The following GALNT13 variants were observed in gnomAD, a reference collection of about 807,000 sequenced individuals.
The protein encoded by GALNT13 is UDP-GalNAc:polypeptide N-acetylgalactosaminyltransferase 13.
GALNT13 carries 28 observed loss-of-function variants against 64.2 expected under a neutral mutation model. The observed-to-expected ratio is 0.44, with a 90% CI of 0.32 to 0.60. GALNT13 has a LOEUF of 0.60. GALNT13 is among the 20% of genes least tolerant of loss of function. The pLI is 0.05. For missense variants in GALNT13, 577 were observed against 669.8 expected (o/e 0.86, Z 1.53); for synonymous variants, 214 against 224.6 (o/e 0.95, Z 0.42).
chr2:153,796,836 A>C, the GALNT13 span, among the ~76,000 whole-genome samples: 1 of 152,218 alleles, frequency 6.6e-6, no homozygotes, highest in Non-Finnish European at 1.5e-5. Context: ...CTGCCAGTTT[A>C]GAGTTAACTC....
At chr2:153,574,170 G>C in the GALNT13 span, among the ~76,000 whole-genome samples, 2 of 146,148 alleles carry the variant, frequency 1.4e-5, no homozygotes, top group African/African-American at 5.1e-5. Flanking sequence ...AATATGTCAT[G>C]TCATTCTCTC....
At chr2:154,036,155 T>G (rs1191459307) in intron 3 of GALNT13, among the ~76,000 whole-genome samples, 1 of 152,112 alleles carries the variant, frequency 6.6e-6, no homozygotes, top group South Asian at 2.1e-4. Flanking sequence ...CAGCGATTAG[T>G]GTCCGAGTTA....
the GALNT13 span, among the ~76,000 whole-genome samples, chr2:153,630,810 T>TATATATATATATATATATATATATA: frequency 1.0e-4 from 3 of 29,510 alleles, no homozygotes; most frequent in African/African-American, 3.0e-4. Flanking sequence ...TATATATATT[T>TATATATATATATATATATATATATA]TTTTTTTTTT....
the GALNT13 span, among the ~76,000 whole-genome samples, chr2:153,342,120 T>G: frequency 1.3e-5 from 2 of 152,214 alleles, no homozygotes; most frequent in African/African-American, 4.8e-5. Context: ...AAATAAATGT[T>G]TAAACCTAAA....
chr2:153,661,261 G>A, the GALNT13 span, among the ~76,000 whole-genome samples: 2 of 152,068 alleles, frequency 1.3e-5, no homozygotes, highest in Admixed American at 1.3e-4. Flanking sequence ...TTAACAGTGG[G>A]TTCACCTAAT....
At position 154,170,293 on chromosome 2, in the gene GALNT13, C is replaced by T. The variant is rs773736527; in HGVS notation, c.311+29788C>T. Among the ~76,000 whole-genome samples, 2 of 152,178 alleles carry T rather than the reference C, an allele frequency of 1.3e-5. 1 individual carries two copies. Among genetic ancestry groups the T allele is most frequent in the South Asian group, 4.1e-4 (2 of 4,828 alleles). ...AAATGCTAATTTCTTCCAGAAACAC[C>T]CTCACAGATATGCCCAGAAATAATG... On this transcript the variant is annotated intron_variant, in intron 4 of 12. Coordinates refer to ENST00000392825, the MANE Select transcript of GALNT13 (RefSeq NM_052917.4).
intron 3 of GALNT13, among the ~76,000 whole-genome samples, chr2:154,068,434 T>A (rs1196684349): frequency 6.6e-6 from 1 of 152,012 alleles, no homozygotes; most frequent in Non-Finnish European, 1.5e-5. Flanking sequence ...GCAACACTAT[T>A]CACAACAGCC....
the GALNT13 span, among the ~76,000 whole-genome samples, chr2:153,796,056 G>C: frequency 6.6e-6 from 1 of 152,208 alleles, no homozygotes; most frequent in South Asian, 2.1e-4. Context: ...GTCCAGGTCA[G>C]AGAGTTAAAG....
At chr2:153,086,696 GTATTTTATTTTATTTTATT>G in the GALNT13 span, among the ~76,000 whole-genome samples, 4 of 150,400 alleles carry the variant, frequency 2.7e-5, no homozygotes, top group Admixed American at 6.6e-5. Context: ...CTATTCCTAA[GTATTTTATTTTATTTTATT>G]TATTTTATTT....
chr2:153,490,651 G>C, the GALNT13 span, among the ~76,000 whole-genome samples: 2 of 152,124 alleles, frequency 1.3e-5, no homozygotes, highest in African/African-American at 4.8e-5. Flanking sequence ...CCACAAATCA[G>C]CTTCACTTAT....
At chr2:153,326,884 G>A in the GALNT13 span, among the ~76,000 whole-genome samples, 1 of 152,112 alleles carries the variant, frequency 6.6e-6, no homozygotes, top group African/African-American at 2.4e-5. Flanking sequence ...AGGAGTTTGA[G>A]ACCAGCCTGA....
At chr2:154,338,135 T>A (rs72867892) in intron 9 of GALNT13, among the ~76,000 whole-genome samples, 1 of 152,224 alleles carries the variant, frequency 6.6e-6, no homozygotes, top group Non-Finnish European at 1.5e-5. Flanking sequence ...TAATCCAATT[T>A]GCATGATCAA....
the GALNT13 span, among the ~76,000 whole-genome samples, chr2:153,276,267 T>C: frequency 6.6e-6 from 1 of 152,218 alleles, no homozygotes; most frequent in East Asian, 1.9e-4. Context: ...TTAGAAAAGG[T>C]TTATACTTTC....
chr2:153,097,172 C>T, the GALNT13 span, among the ~76,000 whole-genome samples: 3 of 151,954 alleles, frequency 2.0e-5, no homozygotes, highest in African/African-American at 7.2e-5. Context: ...TAATTTTGTC[C>T]CCCGCTTTGT....
the GALNT13 span, among the ~76,000 whole-genome samples, chr2:153,577,983 C>A: frequency 1.3e-5 from 2 of 151,648 alleles, no homozygotes; most frequent in East Asian, 3.9e-4. Flanking sequence ...AGCTTTTAAT[C>A]AAAATATCCA....
chr2:153,462,990 A>C, the GALNT13 span, among the ~76,000 whole-genome samples: 1 of 152,046 alleles, frequency 6.6e-6, no homozygotes, highest in Non-Finnish European at 1.5e-5. Context: ...ACATTTGTAT[A>C]CTGAAGATTA....
chr2:153,863,537 C>A, the GALNT13 span, among the ~76,000 whole-genome samples: 1 of 151,958 alleles, frequency 6.6e-6, no homozygotes. Flanking sequence ...ATTTTAAGTA[C>A]AGCTTTAAAA....
the GALNT13 span, among the ~76,000 whole-genome samples, chr2:153,392,140 ATAC>A: frequency 1.3e-5 from 2 of 149,454 alleles, no homozygotes; most frequent in African/African-American, 2.4e-5. Flanking sequence ...AATTAAATAT[ATAC>A]TACATTTTAT....
the GALNT13 span, among the ~76,000 whole-genome samples, chr2:153,307,990 A>G: frequency 6.6e-6 from 1 of 152,186 alleles, no homozygotes. Context: ...AAAAAACACT[A>G]GATATATTAG....
Sources: gnomAD v4.1 joint callset for allele counts (sites outside exome capture counted in the v4.1 genomes callset) on GRCh38, gnomAD v4.1.1 for gene constraint, MANE v1.5 for transcripts, NCBI Gene and HGNC (gene_info 2026-07-23, HGNC 2026-07-21) for gene names.